SASH1: variants seen among roughly 807,000 people sequenced by gnomAD.
The protein encoded by SASH1 is SAM and SH3 domain-containing protein 1.
Under a neutral mutation model 125.2 loss-of-function variants are expected in SASH1, and 44 were observed. The ratio of observed to expected loss-of-function variants is 0.35; its 90% CI spans 0.28 to 0.45. SASH1 has a LOEUF of 0.45. Among genes scored for constraint, SASH1 ranks in the 20% least tolerant of loss-of-function variants. The pLI, the probability that SASH1 is intolerant of heterozygous loss-of-function variation, is 1.00. For synonymous variants in SASH1, 639 were observed against 649.1 expected (o/e 0.98, Z 0.24); for missense variants, 1,426 against 1,614.5 (o/e 0.88, Z 2.00).
At chr6:148,356,504 T>C (rs1781945363) in intron 1 of SASH1, among the ~76,000 whole-genome samples, 1 of 146,880 alleles carries the variant, frequency 6.8e-6, no homozygotes, top group Non-Finnish European at 1.5e-5. Context: ...CTTTTTTTTT[T>C]TTTTTTTTTT....
chr6:148,288,804 G>A (rs1171691132), intron 1 of SASH1, among the ~76,000 whole-genome samples: 3 of 152,006 alleles, frequency 2.0e-5, no homozygotes, highest in Admixed American at 6.6e-5. Context: ...AGCTAGCCCC[G>A]GTGTCTGTGT....
rs557912167 is a variant in SASH1, at chr6:148,519,224, A to G, written c.863-323A>G. On this transcript the variant is annotated intron_variant, in intron 9 of 19. Coordinates refer to ENST00000367467, the MANE Select transcript of SASH1 (RefSeq NM_015278.5). The surrounding 1 kb of genome is among the most constrained non-coding windows in gnomAD (Gnocchi z 4.8). ...TCAGAGGGTTGCATTTACAAACTGC[A>G]GAGGGCATTATCTCGAAATGCTAAG... Among the ~76,000 whole-genome samples, 1 of 152,362 alleles carries G rather than the reference A, an allele frequency of 6.6e-6. No homozygotes were observed. The highest frequency in any genetic ancestry group is 1.9e-4 in the East Asian group (1 of 5,186).
At chr6:148,389,719 C>T (rs1271846097) in intron 1 of SASH1, among the ~76,000 whole-genome samples, 1 of 152,156 alleles carries the variant, frequency 6.6e-6, no homozygotes, top group East Asian at 1.9e-4. Flanking sequence ...CCACATTGGG[C>T]ATTAGGAGCC....
At chr6:148,317,368 TG>T (rs1780506083) in intron 1 of SASH1, among the ~76,000 whole-genome samples, 3 of 152,316 alleles carry the variant, frequency 2.0e-5, no homozygotes, top group African/African-American at 4.8e-5. Context: ...TCAAAAGAAG[TG>T]GTTCCTGAAT....
chr6:148,369,492 T>A (rs573145667), intron 1 of SASH1, among the ~76,000 whole-genome samples: 7 of 152,334 alleles, frequency 4.6e-5, no homozygotes, highest in Admixed American at 4.6e-4. Flanking sequence ...TATCAGACAC[T>A]GTTCTGAGTG....
chr6:148,336,109 T>C (rs1781145276), intron 1 of SASH1, among the ~76,000 whole-genome samples: 1 of 149,962 alleles, frequency 6.7e-6, no homozygotes, highest in Admixed American at 6.7e-5. Flanking sequence ...GGAACTTGAG[T>C]AAAAATGGAA....
At chr6:148,318,539 A>G (rs1780541672) in intron 1 of SASH1, among the ~76,000 whole-genome samples, 1 of 147,246 alleles carries the variant, frequency 6.8e-6, no homozygotes, top group Non-Finnish European at 1.5e-5. Context: ...TTGTGGGCAC[A>G]TATACTACTA....
chr6:148,440,529 C>A, intron 4 of SASH1, 122 bp downstream of exon 4: 1 of 818,056 alleles, frequency 1.2e-6, no homozygotes, highest in Non-Finnish European at 2.0e-6. Flanking sequence ...ATGTCATTTT[C>A]CTTAACATGT....
intron 9 of SASH1, among the ~76,000 whole-genome samples, chr6:148,516,538 G>T (rs528089714): frequency 8.6e-5 from 11 of 127,714 alleles, no homozygotes; most frequent in African/African-American, 3.4e-4. Context: ...ACAAAGGGTT[G>T]ATCCTTTGAC....
intron 1 of SASH1, among the ~76,000 whole-genome samples, chr6:148,370,010 C>G (rs1453786737): frequency 7.8e-6 from 1 of 128,396 alleles, no homozygotes; most frequent in African/African-American, 2.9e-5. Context: ...CAACCCAAAC[C>G]AGCAAAAACA....
chr6:148,302,612 A>ACG (rs1481637851), intron 1 of SASH1, among the ~76,000 whole-genome samples: 1 of 149,102 alleles, frequency 6.7e-6, no homozygotes, highest in Admixed American at 6.7e-5. Flanking sequence ...ACACACACAC[A>ACG]CGCAGAAATC....
chr6:148,441,484 T>C (rs1033990742), intron 4 of SASH1, among the ~76,000 whole-genome samples: 4 of 152,310 alleles, frequency 2.6e-5, no homozygotes, highest in African/African-American at 7.2e-5. Context: ...CCCCATCAGC[T>C]TTTTTTGTTT....
At chr6:148,427,362 A>G (rs1396050346) in intron 2 of SASH1, among the ~76,000 whole-genome samples, 1 of 152,196 alleles carries the variant, frequency 6.6e-6, no homozygotes, top group Non-Finnish European at 1.5e-5. Context: ...GTTTTTTAGG[A>G]TAACTAAAAT....
the SASH1 span, among the ~76,000 whole-genome samples, chr6:148,229,677 C>G: frequency 1.5e-3 from 228 of 150,828 alleles, 2 homozygotes; most frequent in Non-Finnish European, 2.8e-3. Flanking sequence ...CTCATATATT[C>G]ACAAAGTTGT....
chr6:148,535,343 T>C (rs1781779241), intron 16 of SASH1, among the ~76,000 whole-genome samples: 1 of 152,208 alleles, frequency 6.6e-6, no homozygotes, highest in South Asian at 2.1e-4. Context: ...TCAGTACTTT[T>C]GAGAGGTGCA....
At chr6:148,304,322 C>T (rs1285615695) in intron 1 of SASH1, among the ~76,000 whole-genome samples, 2 of 151,972 alleles carry the variant, frequency 1.3e-5, no homozygotes, top group Non-Finnish European at 2.9e-5. Context: ...GTAGTCCCAG[C>T]TACTCAGGAG....
chr6:148,506,733 C>T (rs1562465826), intron 8 of SASH1, among the ~76,000 whole-genome samples: 1 of 152,190 alleles, frequency 6.6e-6, no homozygotes, highest in African/African-American at 2.4e-5. Flanking sequence ...CTGGGGCACT[C>T]TCATTTTCTT....
At chr6:148,399,043 T>G (rs1171522061) in intron 2 of SASH1, among the ~76,000 whole-genome samples, 1 of 152,088 alleles carries the variant, frequency 6.6e-6, no homozygotes, top group East Asian at 1.9e-4. Context: ...TTTTCTTTTT[T>G]ATTAACCCTG....
chr6:148,374,865 T>A lies in SASH1; in HGVS notation c.157-15269T>A, dbSNP rs146655981. ...GTGCTTGCCACCATGCATGGCTAAT[T>A]TTTGTATTTTTAGTAGAGACGGGGT... On this transcript the variant is annotated intron_variant, in intron 1 of 19. Coordinates refer to ENST00000367467, the MANE Select transcript of SASH1 (RefSeq NM_015278.5). Among the ~76,000 whole-genome samples the A allele has an allele frequency of 3.8e-3, 583 of 152,158 alleles. 7 individuals are homozygous for A. Among genetic ancestry groups the A allele is most frequent in the African/African-American group, 0.013 (548 of 41,530 alleles).
Sources: allele counts gnomAD v4.1 joint callset (sites outside exome capture counted in the v4.1 genomes callset), GRCh38; gene constraint gnomAD v4.1.1; non-coding constraint Gnocchi (gnomAD v3.1); transcripts MANE v1.5; gene names NCBI Gene and HGNC (gene_info 2026-07-23, HGNC 2026-07-21).